The following BTBD7 variants were observed in gnomAD, a reference collection of about 807,000 sequenced individuals.
The protein encoded by BTBD7 is BTB/POZ domain-containing protein 7.
A neutral mutation model predicts 99.9 loss-of-function variants in BTBD7; 38 were observed. The ratio of observed to expected loss-of-function variants is 0.38; its 90% CI spans 0.29 to 0.50. BTBD7 has a LOEUF of 0.50. Ranked by LOEUF, BTBD7 falls within the 20% of genes least tolerant of loss-of-function variation. The pLI is 0.93. For synonymous variants in BTBD7, 520 were observed against 511.4 expected, an observed-to-expected ratio of 1.02 and a Z score of -0.23; for missense variants, 1,170 against 1,394.6, an observed-to-expected ratio of 0.84 and a Z score of 2.57.
rs180858664 is a variant in BTBD7 at position 93,299,076 on chromosome 14, T to A, written c.-106-2919A>T. Among the ~76,000 whole-genome samples the A allele has an allele frequency of 4.7e-3, 708 of 152,232 alleles. 2 individuals carry two copies. The highest frequency in any genetic ancestry group is 8.6e-3 in the Admixed American group (132 of 15,286). On this transcript the variant is annotated intron_variant, in intron 1 of 10. Coordinates refer to ENST00000334746, the MANE Select transcript of BTBD7 (RefSeq NM_001002860.4). ...TCATATATCCTACTGGAGCTCTATA[T>A]ACTAAAATAAACACAGACCTTGGAA...
At chr14:93,267,351 A>G (rs944686452) in intron 3 of BTBD7, among the ~76,000 whole-genome samples, 1 of 152,204 alleles carries the variant, frequency 6.6e-6, no homozygotes, top group Non-Finnish European at 1.5e-5. Context: ...TCACTCTTTA[A>G]GAGTCTGAAA....
chr14:93,286,085 C>T (rs974050599), intron 3 of BTBD7, among the ~76,000 whole-genome samples: 1 of 152,184 alleles, frequency 6.6e-6, no homozygotes, highest in Non-Finnish European at 1.5e-5. Flanking sequence ...ATCAATGGCA[C>T]CACTGCCATG....
At chr14:93,258,318 T>C (rs1489755267) in intron 5 of BTBD7, among the ~76,000 whole-genome samples, 2 of 152,046 alleles carry the variant, frequency 1.3e-5, no homozygotes, top group African/African-American at 2.4e-5. Context: ...AAAAGAGTCA[T>C]TTTTTTCCCC....
intron 1 of BTBD7, among the ~76,000 whole-genome samples, chr14:93,319,060 C>T (rs971463721): frequency 3.3e-5 from 5 of 152,126 alleles, no homozygotes; most frequent in African/African-American, 9.7e-5. Context: ...CAGAAAAATT[C>T]GCCAAGTGTG....
At chr14:93,310,326 T>G (rs531070431) in intron 1 of BTBD7, among the ~76,000 whole-genome samples, 2 of 152,216 alleles carry the variant, frequency 1.3e-5, no homozygotes, top group African/African-American at 2.4e-5. Flanking sequence ...TTGTTTTTTC[T>G]TTGTTTGAAT....
chr14:93,326,577 G>A (rs2053335102), intron 1 of BTBD7, among the ~76,000 whole-genome samples: 1 of 152,140 alleles, frequency 6.6e-6, no homozygotes, highest in African/African-American at 2.4e-5. Flanking sequence ...TGAGGCGGGT[G>A]GGTCACCTTA....
Position 93,257,374 on chromosome 14 carries a change from A to C in BTBD7, c.1448-19T>G. On this transcript the variant is annotated intron_variant, in intron 5 of 10. Transcript: ENST00000334746. ...TTTGGCTCTATGAGACAGAAAATGA[A>C]AAGTTTCCAACCAAATCCAAATGTT... 6.3e-7 allele frequency: 1 copy of C among 1,583,816 alleles called. No homozygotes were observed.
At chr14:93,305,606 A>C (rs774636874) in intron 1 of BTBD7, among the ~76,000 whole-genome samples, 5 of 152,234 alleles carry the variant, frequency 3.3e-5, no homozygotes, top group Non-Finnish European at 5.9e-5. Context: ...TAGCAGAAAC[A>C]CTGGGAGAGG....
chr14:93,321,036 A>C (rs895384736), intron 1 of BTBD7, among the ~76,000 whole-genome samples: 16 of 152,216 alleles, frequency 1.1e-4, no homozygotes, highest in Non-Finnish European at 2.9e-5. Context: ...TAGGGCAAAA[A>C]GGAATTAAGA....
intron 3 of BTBD7, among the ~76,000 whole-genome samples, chr14:93,282,701 C>T (rs571973756): frequency 6.6e-6 from 1 of 152,210 alleles, no homozygotes; most frequent in South Asian, 2.1e-4. Flanking sequence ...GATATTTGTA[C>T]AATGCAGAGG....
In BTBD7 at chr14:93,238,255, G is replaced by A. The variant is rs1014305869; in HGVS notation, c.*4018C>T. 3 of 151,884 alleles carry A rather than the reference G, an allele frequency of 2.0e-5. No homozygotes were observed. Among genetic ancestry groups the A allele is most frequent in the African/African-American group, 4.8e-5 (2 of 41,288 alleles). 9.4% of individuals were successfully genotyped at this position (151,884 alleles called of 1,614,324 possible). A position where few individuals can be genotyped will look rare whatever the true frequency, so the allele number is the denominator to read the frequency against. On this transcript the variant is annotated 3_prime_UTR_variant, in exon 11 of 11. Transcript: ENST00000334746. Reference sequence around the variant, plus strand: ...ATTGACAGTCTGAGGATTTTCTAGAGGAAAAAAAAATCAAAGGACTTGCCA... The same window carrying A: ...ATTGACAGTCTGAGGATTTTCTAGAAGAAAAAAAAATCAAAGGACTTGCCA...
chr14:93,308,727 T>C (rs11160112), intron 1 of BTBD7, among the ~76,000 whole-genome samples: 58,559 of 152,098 alleles, frequency 0.39, 12,472 homozygotes, highest in African/African-American at 0.58. Context: ...AAGAACATTA[T>C]GTTAAGTGAA....
intron 5 of BTBD7, among the ~76,000 whole-genome samples, chr14:93,258,152 T>C (rs1025751898): frequency 1.3e-5 from 2 of 152,098 alleles, no homozygotes; most frequent in African/African-American, 4.8e-5. Flanking sequence ...CATGAAATGC[T>C]GGATTTTTTT....
intron 1 of BTBD7, among the ~76,000 whole-genome samples, chr14:93,317,094 C>T (rs2053216426): frequency 6.6e-6 from 1 of 152,092 alleles, no homozygotes; most frequent in Non-Finnish European, 1.5e-5. Flanking sequence ...CAACCTTTGC[C>T]TCTTGGGTTC....
At chr14:93,330,065 T>C (rs12586312) in intron 1 of BTBD7, among the ~76,000 whole-genome samples, 37,624 of 152,098 alleles carry the variant, frequency 0.25, 4,889 homozygotes, top group East Asian at 0.37. Flanking sequence ...CAGCAGCTAC[T>C]GTCTTCCTTG....
intron 1 of BTBD7, among the ~76,000 whole-genome samples, chr14:93,301,092 C>T (rs917635330): frequency 3.9e-5 from 6 of 152,046 alleles, no homozygotes; most frequent in Admixed American, 2.0e-4. Context: ...GCCTATATTA[C>T]GTCTATAATC....
rs1398604859 is a variant in BTBD7 at position 93,248,574 on chromosome 14, C to A, written c.2023G>T (p.Ala675Ser). The change falls in exon 9 of 11, where the codon GCC becomes TCC. Residue 675 changes from alanine (A) to serine (S), a missense_variant. By Grantham distance (99) the Ala-to-Ser change is moderately conservative. Transcript: ENST00000334746. ...GTGGCGCCTTCCCCGCAGTTCAGGG[C>A]ATAGGCCCTCTGCACCTGCTCCGTG... Reference protein sequence around the residue: ...RHTEQVQRAYALNCGEGATVS... With the variant: ...RHTEQVQRAYSLNCGEGATVS... 3 of 1,614,000 alleles carry A rather than the reference C, an allele frequency of 1.9e-6. No homozygotes were observed. The highest frequency in any genetic ancestry group is 2.2e-5 in the South Asian group (2 of 91,092).
At chr14:93,287,525 G>A (rs1331272619) in intron 3 of BTBD7, 1 of 151,868 alleles carries the variant, frequency 6.6e-6, no homozygotes, top group Non-Finnish European at 1.5e-5. Context: ...CATATGTACT[G>A]TTAAATTTAT....
chr14:93,244,181 A>G, intron 10 of BTBD7: 2 of 436,116 alleles, frequency 4.6e-6, no homozygotes, highest in Non-Finnish European at 4.5e-6. Context: ...TTCCCGAAAA[A>G]GGGTAAAACT....
Sources: gnomAD v4.1 joint callset for allele counts (sites outside exome capture counted in the v4.1 genomes callset) on GRCh38, gnomAD v4.1.1 for gene constraint, MANE v1.5 for transcripts, NCBI Gene and HGNC (gene_info 2026-07-23, HGNC 2026-07-21) for gene names.